The following LPAR6 variants were observed in gnomAD, a reference collection of about 807,000 sequenced individuals.
LPAR6 encodes G-protein coupled purinergic receptor P2Y5.
Under a neutral mutation model 22.0 loss-of-function variants are expected in LPAR6, and 17 were observed. The observed-to-expected ratio is 0.77, with a 90% confidence interval of 0.53 to 1.16. The LOEUF (loss-of-function observed/expected upper bound fraction) is 1.16, where lower values mean the gene tolerates loss of function less well. Among genes scored for constraint, LPAR6 ranks in the 50% most tolerant of loss-of-function variants. LPAR6 has a pLI of 0.00. For missense variants in LPAR6, 384 were observed against 406.9 expected, an observed-to-expected ratio of 0.94 and a Z score of 0.48; for synonymous variants, 136 against 139.8, an observed-to-expected ratio of 0.97 and a Z score of 0.19.
At chr13:48,415,254 T>G (rs1299057060), upstream of LPAR6, among the ~76,000 whole-genome samples, 1 of 152,038 alleles carries the variant, frequency 6.6e-6, no homozygotes, top group Non-Finnish European at 1.5e-5. Context: ...AAGTCATTCA[T>G]CTATAGTTTT....
At chr13:48,408,757 CATTT>C (rs1566209480), downstream of LPAR6, 3 of 152,076 alleles carry the variant, frequency 2.0e-5, no homozygotes, top group Admixed American at 2.0e-4. Context: ...ACTTTTGATT[CATTT>C]ATCTTCCTGT....
Position 48,422,792 on chromosome 13 carries a change from TA to T in LPAR6, c.-1094-3del, listed in dbSNP as rs66618985. 0.9 allele frequency: 136,033 copies of T among 150,866 alleles called. 62,419 individuals carry two copies. The highest frequency in any genetic ancestry group is 1 in the East Asian group (5,114 of 5,132). 9.3% of individuals were successfully genotyped at this position (150,866 alleles called of 1,614,324 possible). A position where few individuals can be genotyped will look rare whatever the true frequency, so the allele number is the denominator to read the frequency against. On this transcript the variant is annotated splice_region_variant and splice_polypyrimidine_tract_variant and intron_variant, in intron 1 of 4. Transcript: ENST00000345941. ...CCTGGTGACAGATCAAGACCTTGTC[TA>T]AAAAAAAAACAAAAAGGAAAGAATA...
intron 1 of LPAR6, among the ~76,000 whole-genome samples, chr13:48,440,625 G>A (rs1420310443): frequency 1.3e-5 from 2 of 152,044 alleles, no homozygotes; most frequent in Admixed American, 6.6e-5. Context: ...TATGATCAAG[G>A]GCTAGAGTCA....
upstream of LPAR6, among the ~76,000 whole-genome samples, chr13:48,417,926 G>A (rs1235423898): frequency 6.6e-6 from 1 of 152,210 alleles, no homozygotes; most frequent in African/African-American, 2.4e-5. Flanking sequence ...GAAAGTGACA[G>A]GGAGAATTGA....
chr13:48,412,095 A>G lies in LPAR6; in HGVS notation c.329T>C (p.Ile110Thr). Residue 110 changes from isoleucine (I) to threonine (T), a missense_variant, in exon 1 of 1, where the codon ATT becomes ACT. Physicochemically the swap from Ile to Thr is moderately conservative, Grantham distance 89 (BLOSUM62 -1). Transcript: ENST00000620633. ...AATTGCCAGAAATCGATCTACACTA[A>G]TACAGGTTAAGAACAGAATGCTTCC... The part of the protein sequence containing the change: ...MYGSILFLTC[I>T]SVDRFLAIVY... 6.2e-7 allele frequency: 1 copy of G among 1,613,296 alleles called. No homozygotes were observed. The highest frequency in any genetic ancestry group is 8.5e-7 in the Non-Finnish European group (1 of 1,179,620).
At chr13:48,409,282 C>A (rs1263170559), downstream of LPAR6, among the ~76,000 whole-genome samples, 1 of 150,246 alleles carries the variant, frequency 6.7e-6, no homozygotes, top group African/African-American at 2.4e-5. Flanking sequence ...TTAGGTTTAT[C>A]TAAAGGAAAC....
Position 48,411,534 on chromosome 13 carries a change from G to T in LPAR6, c.890C>A (p.Thr297Lys). 6.2e-7 allele frequency: 1 copy of T among 1,613,384 alleles called. No individual in the cohort carries two copies. Among genetic ancestry groups the T allele is most frequent in the East Asian group, 2.2e-5 (1 of 44,802 alleles). ...DPIVYYFTSD[T>K]IQNSIKMKNW... ...TTTCATTTTTATTGAATTCTGAATT[G>T]TGTCCGATGTAAAGTAGTAAACTAT... The change falls in exon 1 of 1, where the codon ACA becomes AAA. Residue 297 changes from threonine to lysine, a missense_variant. By Grantham distance (78) the Thr-to-Lys change is moderately conservative. Transcript: ENST00000620633.
chr13:48,421,600 A>T (rs921927399), intron 2 of LPAR6, among the ~76,000 whole-genome samples: 2 of 151,988 alleles, frequency 1.3e-5, no homozygotes, highest in Non-Finnish European at 2.9e-5. Context: ...ATGGGAGAAA[A>T]TTTTTGCGAT....
chr13:48,400,661 A>G (rs1948684013), intron 1 of LPAR6, among the ~76,000 whole-genome samples: 1 of 152,140 alleles, frequency 6.6e-6, no homozygotes, highest in African/African-American at 2.4e-5. Flanking sequence ...CAGAGATGTC[A>G]TGTAACTTGC....
At chr13:48,443,185 G>T (rs1949254747) in intron 1 of LPAR6, among the ~76,000 whole-genome samples, 1 of 151,242 alleles carries the variant, frequency 6.6e-6, no homozygotes, top group South Asian at 2.1e-4. Context: ...TTAGCGAAAG[G>T]ATTACTGTTT....
intron 1 of LPAR6, among the ~76,000 whole-genome samples, chr13:48,439,065 G>C (rs1255344334): frequency 6.6e-6 from 1 of 152,158 alleles, no homozygotes; most frequent in African/African-American, 2.4e-5. Context: ...GGCAAAGAAA[G>C]AGTGAAAGAG....
chr13:48,427,160 C>T (rs1011088466), upstream of LPAR6, among the ~76,000 whole-genome samples: 1 of 151,252 alleles, frequency 6.6e-6, no homozygotes, highest in Non-Finnish European at 1.5e-5. Flanking sequence ...GAGCACACTT[C>T]AACACGAGTC....
chr13:48,399,687 G>T (rs1018957032), intron 1 of LPAR6, among the ~76,000 whole-genome samples: 6 of 151,940 alleles, frequency 3.9e-5, no homozygotes, highest in Non-Finnish European at 8.8e-5. Context: ...ATCAATGCAG[G>T]TATTCTGTGT....
chr13:48,394,672 G>A (rs527295331), intron 1 of LPAR6, among the ~76,000 whole-genome samples: 7 of 152,324 alleles, frequency 4.6e-5, no homozygotes, highest in East Asian at 3.9e-4. Flanking sequence ...CCCTAAATCC[G>A]CTGTAGCCAG....
At chr13:48,438,914 G>A (rs780794315) in intron 1 of LPAR6, among the ~76,000 whole-genome samples, 42 of 151,558 alleles carry the variant, frequency 2.8e-4, no homozygotes, top group Admixed American at 5.9e-4. Context: ...CTATGTAGTG[G>A]GTACTACTAT....
chr13:48,396,608 C>A (rs1338540457), intron 1 of LPAR6, among the ~76,000 whole-genome samples: 5 of 152,204 alleles, frequency 3.3e-5, no homozygotes, highest in Admixed American at 3.3e-4. Context: ...ATGACCAAAA[C>A]ACCAAAAGCA....
At chr13:48,407,807 C>T (rs924973653), downstream of LPAR6, among the ~76,000 whole-genome samples, 1 of 152,096 alleles carries the variant, frequency 6.6e-6, no homozygotes, top group Non-Finnish European at 1.5e-5. Flanking sequence ...TCATCCCTGC[C>T]TAAGCACTGT....
intron 1 of LPAR6, among the ~76,000 whole-genome samples, chr13:48,438,804 T>C (rs1266158244): frequency 1.3e-5 from 2 of 152,226 alleles, no homozygotes; most frequent in African/African-American, 4.8e-5. Flanking sequence ...CAATAAATGT[T>C]ATCTGTTAAG....
At chr13:48,416,392 A>T (rs1948911026), upstream of LPAR6, 1 of 152,300 alleles carries the variant, frequency 6.6e-6, no homozygotes, top group African/African-American at 2.4e-5. Flanking sequence ...GGAACGATGC[A>T]TTCCGGCCCA....
Sources: gnomAD v4.1 joint callset for allele counts (sites outside exome capture counted in the v4.1 genomes callset) on GRCh38, gnomAD v4.1.1 for gene constraint, MANE v1.5 for transcripts, NCBI Gene and HGNC (gene_info 2026-07-23, HGNC 2026-07-21) for gene names.